The following MLXIP variants were observed in gnomAD, a reference collection of about 807,000 sequenced individuals.
MLXIP encodes the protein MLX-interacting protein.
In MLXIP, 30 loss-of-function variants were observed where a neutral mutation model predicts 87.2. The ratio of observed to expected loss-of-function variants is 0.34; its 90% CI spans 0.26 to 0.47. The LOEUF is 0.47. MLXIP is among the 20% of genes least tolerant of loss of function. MLXIP has a pLI of 1.00. For missense variants in MLXIP, 1,002 were observed against 1,240.1 expected, an observed-to-expected ratio of 0.81 and a Z score of 2.88; for synonymous variants, 530 against 514.0, an observed-to-expected ratio of 1.03 and a Z score of -0.42.
chr12:122,115,007 A>T (rs879485112), intron 1 of MLXIP, among the ~76,000 whole-genome samples: 7 of 151,776 alleles, frequency 4.6e-5, no homozygotes, highest in Non-Finnish European at 7.4e-5. Context: ...TCAGCCTCCC[A>T]AAGTGCTGGG....
intron 1 of MLXIP, among the ~76,000 whole-genome samples, chr12:122,112,391 C>T (rs1036845389): frequency 6.6e-6 from 1 of 152,170 alleles, no homozygotes; most frequent in Non-Finnish European, 1.5e-5. Flanking sequence ...GTAATCCCAG[C>T]ACTTTGGGAG....
rs1952056861 is a variant in MLXIP at position 122,079,273 on chromosome 12, AC to A, written c.413+12del. 6.5e-7 allele frequency: 1 copy of A among 1,547,192 alleles called. No homozygotes were observed. The highest frequency in any genetic ancestry group is 2.5e-5 in the East Asian group (1 of 40,586). On this transcript the variant is annotated splice_region_variant and intron_variant, in intron 1 of 16. Transcript: ENST00000319080. ...GCATGACTTTGGCCTACAGGTAGGG[AC>A]CCCCGCGACCCCCTGAGGCCCCGGC... is the stretch of plus-strand genomic sequence containing the variant.
chr12:122,090,148 T>C (rs769998139), intron 1 of MLXIP, among the ~76,000 whole-genome samples: 2 of 152,170 alleles, frequency 1.3e-5, no homozygotes, highest in Non-Finnish European at 2.9e-5. Context: ...AGAAACAAAT[T>C]ACCAGTATAT....
chr12:122,095,896 C>T (rs992318547), intron 1 of MLXIP, among the ~76,000 whole-genome samples: 5 of 151,434 alleles, frequency 3.3e-5, no homozygotes, highest in Non-Finnish European at 5.9e-5. Context: ...GACAGAATCT[C>T]GCTCTGTCGC....
chr12:122,103,894 C>CT (rs1473419526), intron 1 of MLXIP, among the ~76,000 whole-genome samples: 5 of 148,960 alleles, frequency 3.4e-5, no homozygotes, highest in Non-Finnish European at 5.9e-5. Context: ...AGGCTGGTCT[C>CT]TAACTTCTGG....
At chr12:122,098,311 T>C (rs1952386841) in intron 1 of MLXIP, among the ~76,000 whole-genome samples, 1 of 152,210 alleles carries the variant, frequency 6.6e-6, no homozygotes. Context: ...TAGAGGGCCC[T>C]GGGGCAGCAG....
At chr12:122,123,890 T>C (rs924149797) in intron 1 of MLXIP, among the ~76,000 whole-genome samples, 1 of 152,118 alleles carries the variant, frequency 6.6e-6, no homozygotes, top group Non-Finnish European at 1.5e-5. Context: ...TTTCACTGCC[T>C]CGATCAGGCT....
chr12:122,121,729 A>G (rs1016345044), intron 1 of MLXIP, among the ~76,000 whole-genome samples: 9 of 152,078 alleles, frequency 5.9e-5, no homozygotes, highest in African/African-American at 1.9e-4. Context: ...AAGGCTTGCA[A>G]TTTAATTTCC....
chr12:122,133,377 C>G lies in MLXIP; in HGVS notation c.1122C>G (p.Pro374=), dbSNP rs780713270. The stretch of plus-strand genomic sequence containing the variant: ...GCATCCTGCCGACCACAGCCCTCCC[C>G]ACTGTGAGCCTTCCTGACAGCCTCA... ...QESILPTTAL[P]TVSLPDSLIA... is the part of the protein sequence containing the mutation. Residue 374 remains proline, a synonymous_variant, in exon 9 of 17, where the codon CCC becomes CCG. Coordinates refer to ENST00000319080, the MANE Select transcript of MLXIP (RefSeq NM_014938.6). The surrounding 1 kb of genome is among the most constrained non-coding windows in gnomAD (Gnocchi z 4.9). The G allele has an allele frequency of 9.5e-6, 15 of 1,587,136 alleles. No individual in the cohort carries two copies. The highest frequency in any genetic ancestry group is 1.3e-5 in the Non-Finnish European group (15 of 1,163,372).
At position 122,128,130 on chromosome 12, in the gene MLXIP, C is replaced by A; in HGVS notation, c.606+162C>A. The A allele has an allele frequency of 1.6e-5, 10 of 622,138 alleles. 1 individual carries two copies. The South Asian group carries it at 1.8e-4, about 11-fold the overall frequency. 38.5% of individuals were successfully genotyped at this position (622,138 alleles called of 1,614,324 possible). ...GGGGCCAGGCCTGGGAGCTGGTGGC[C>A]TCTGGCAACCCCAGGCTGCAGAGCC... On this transcript the variant is annotated intron_variant, in intron 3 of 16. Coordinates refer to ENST00000319080, the MANE Select transcript of MLXIP (RefSeq NM_014938.6).
chr12:122,085,259 C>A, intron 1 of MLXIP, among the ~76,000 whole-genome samples: 1 of 151,544 alleles, frequency 6.6e-6, no homozygotes, highest in Middle Eastern at 3.4e-3. Flanking sequence ...TTATGTGATC[C>A]CGGCTTACCA....
chr12:122,100,949 A>G (rs1952426883), intron 1 of MLXIP, among the ~76,000 whole-genome samples: 2 of 152,238 alleles, frequency 1.3e-5, no homozygotes, highest in South Asian at 4.1e-4. Context: ...TACATCAGTG[A>G]ATGTTGTTCA....
intron 1 of MLXIP, among the ~76,000 whole-genome samples, chr12:122,081,594 G>T (rs1162407187): frequency 1.3e-5 from 2 of 152,238 alleles, no homozygotes; most frequent in East Asian, 1.9e-4. Flanking sequence ...AGGCCGAGGT[G>T]GGGGATTGCT....
rs76934721 is a variant in MLXIP, at chr12:122,107,602, A to G, written c.414-19654A>G. 5.3e-3 allele frequency among the ~76,000 whole-genome samples: 810 copies of G among 152,290 alleles called. 12 individuals carry two copies. The highest frequency in any genetic ancestry group is 0.018 in the East Asian group (94 of 5,166). On this transcript the variant is annotated intron_variant, in intron 1 of 16. Transcript: ENST00000319080. ...CAGTCTGCTCTAAATACCTGGCTTCATTTCATTCTTACCACAGCTCTGTGA... is the reference window on the plus strand; with the variant it reads ...CAGTCTGCTCTAAATACCTGGCTTCGTTTCATTCTTACCACAGCTCTGTGA...
At chr12:122,088,076 C>T (rs1458804256) in intron 1 of MLXIP, among the ~76,000 whole-genome samples, 9 of 152,090 alleles carry the variant, frequency 5.9e-5, no homozygotes, top group Non-Finnish European at 1.0e-4. Flanking sequence ...GAGCCGTGGG[C>T]GGGCAGCTTC....
chr12:122,079,315 G>T, intron 1 of MLXIP, 49 bp downstream of exon 1: 1 of 1,509,864 alleles, frequency 6.6e-7, no homozygotes, highest in South Asian at 1.2e-5. Context: ...GCCCTTGTTT[G>T]ACAAAACAAG....
rs141021291 is a variant in MLXIP at position 122,123,161 on chromosome 12, G to A, written c.414-4095G>A. 1.0e-3 allele frequency among the ~76,000 whole-genome samples: 152 copies of A among 152,266 alleles called. 1 individual carries two copies. The highest frequency in any genetic ancestry group is 3.5e-3 in the African/African-American group (144 of 41,550). On this transcript the variant is annotated intron_variant, in intron 1 of 16. Coordinates refer to ENST00000319080, the MANE Select transcript of MLXIP (RefSeq NM_014938.6). ...TGCCCAGGGTTTCTGGGCATGAGTC[G>A]TCCAGGGTGTCCCTTCCTTTGTGAC...
chr12:122,134,278 GC>G (rs1251887786), intron 9 of MLXIP: 6 of 390,794 alleles, frequency 1.5e-5, no homozygotes, highest in African/African-American at 1.3e-4. Context: ...CACTGCAACC[GC>G]CCCCTCCCGG....
intron 1 of MLXIP, among the ~76,000 whole-genome samples, chr12:122,089,065 C>T (rs1466338166): frequency 6.6e-6 from 1 of 151,556 alleles, no homozygotes; most frequent in Non-Finnish European, 1.5e-5. Context: ...GTCTGTAATC[C>T]CAGCTGCTGG....
Sources: gnomAD v4.1 joint callset for allele counts (sites outside exome capture counted in the v4.1 genomes callset) on GRCh38, gnomAD v4.1.1 for gene constraint, Gnocchi (gnomAD v3.1) non-coding constraint, MANE v1.5 for transcripts, NCBI Gene and HGNC (gene_info 2026-07-23, HGNC 2026-07-21) for gene names.